The following PRKN variants were observed in gnomAD, a reference collection of about 807,000 sequenced individuals.
The protein encoded by PRKN is parkin RBR E3 ubiquitin protein ligase, also known as E3 ubiquitin-protein ligase parkin.
A neutral mutation model predicts 59.5 loss-of-function variants in PRKN; 56 were observed. The ratio of observed to expected loss-of-function variants is 0.94; its 90% CI spans 0.76 to 1.18. The LOEUF is 1.18. PRKN is among the 50% of genes most tolerant of loss of function. The pLI, the probability that PRKN is intolerant of heterozygous loss-of-function variation, is 0.00. For missense variants in PRKN, 657 were observed against 596.4 expected, an observed-to-expected ratio of 1.10 and a Z score of -1.06; for synonymous variants, 250 against 222.1, an observed-to-expected ratio of 1.13 and a Z score of -1.12.
intron 3 of PRKN, among the ~76,000 whole-genome samples, chr6:162,219,707 T>C (rs2128079920): frequency 6.6e-6 from 1 of 152,308 alleles, no homozygotes; most frequent in South Asian, 2.1e-4. Flanking sequence ...TTAGATTCAT[T>C]AGTGTTTCCT....
At chr6:162,593,890 C>T (rs1037601182) in intron 1 of PRKN, among the ~76,000 whole-genome samples, 10 of 152,200 alleles carry the variant, frequency 6.6e-5, no homozygotes, top group East Asian at 1.9e-4. Flanking sequence ...CGGTGGCTCA[C>T]GCCTGGCCTA....
rs904907103 is a variant in PRKN at position 161,395,296 on chromosome 6, C to T, written c.1084-8419G>A. Among the ~76,000 whole-genome samples the T allele has an allele frequency of 9.2e-5, 14 of 152,156 alleles. No individual in the cohort carries two copies. The highest frequency in any genetic ancestry group is 2.9e-4 in the African/African-American group (12 of 41,412). ...CTACAGATGGCTGTCTATTAGCACA[C>T]GGAGAGCTGCTCCATTCTTCCTGAA... On this transcript the variant is annotated intron_variant, in intron 9 of 11. Coordinates refer to ENST00000366898, the MANE Select transcript of PRKN (RefSeq NM_004562.3). This position sits in a 1 kb window ranked among gnomAD's most constrained non-coding sequence, Gnocchi z 5.0.
At chr6:161,851,240 C>A (rs1437866136) in intron 6 of PRKN, among the ~76,000 whole-genome samples, 1 of 152,158 alleles carries the variant, frequency 6.6e-6, no homozygotes, top group African/African-American at 2.4e-5. Flanking sequence ...CTCTCTCAGT[C>A]TCTTGCCCAT....
At chr6:161,380,584 C>T (rs887221904) in intron 10 of PRKN, among the ~76,000 whole-genome samples, 11 of 151,934 alleles carry the variant, frequency 7.2e-5, no homozygotes, top group African/African-American at 2.2e-4. Flanking sequence ...TAGTACTATG[C>T]GTGGTAATAA....
rs547661216 is a variant in PRKN, at chr6:162,629,925, C to T, written c.7+97737G>A. On this transcript the variant is annotated intron_variant, in intron 1 of 11. Transcript: ENST00000366898. ...TATATAATTCCCAATAAAATGCTTG[C>T]TTCTATCCTCCTCAGAATACTTTCA... 4.3e-4 allele frequency among the ~76,000 whole-genome samples: 66 copies of T among 152,192 alleles called. No individual in the cohort carries two copies. The South Asian group carries it at 0.014, about 31-fold the overall frequency.
At chr6:162,097,501 T>G (rs759658621) in intron 4 of PRKN, among the ~76,000 whole-genome samples, 23 of 152,160 alleles carry the variant, frequency 1.5e-4, no homozygotes, top group Non-Finnish European at 3.2e-4. Flanking sequence ...TCAATGCAAC[T>G]TGGAGAATTT....
chr6:162,272,249 T>C lies in PRKN; in HGVS notation c.172-9484A>G, dbSNP rs186332414. On this transcript the variant is annotated intron_variant, in intron 2 of 11. Coordinates refer to ENST00000366898, the MANE Select transcript of PRKN (RefSeq NM_004562.3). ...GGATTTCACTTCTCTGGGTTCCCTC[T>C]TTCATGAATACAAAGGATATCGGAT... Among the ~76,000 whole-genome samples, 11 of 152,324 alleles carry C rather than the reference T, an allele frequency of 7.2e-5. No homozygotes were observed. The East Asian group carries it at 2.1e-3, about 29-fold the overall frequency.
intron 7 of PRKN, among the ~76,000 whole-genome samples, chr6:161,713,255 C>A (rs996581343): frequency 2.5e-4 from 38 of 152,166 alleles, no homozygotes; most frequent in African/African-American, 8.9e-4. Flanking sequence ...CTTGCTGGAG[C>A]TGCCACCCTT....
At chr6:162,483,628 G>T (rs1792405136) in intron 1 of PRKN, among the ~76,000 whole-genome samples, 1 of 152,014 alleles carries the variant, frequency 6.6e-6, no homozygotes, top group African/African-American at 2.4e-5. Flanking sequence ...AACACATGAT[G>T]TTCCAAAAGG....
Position 161,457,300 on chromosome 6 carries a change from T to C in PRKN, c.1084-70423A>G, listed in dbSNP as rs1287523155. Among the ~76,000 whole-genome samples the C allele has an allele frequency of 6.6e-6, 1 of 152,222 alleles. No individual in the cohort carries two copies. Among genetic ancestry groups the C allele is most frequent in the African/African-American group, 2.4e-5 (1 of 41,466 alleles). ...CAGCTGGGCCAATGCAGGATCCAAC[T>C]ATTCAAGATTCCTCCACTTACACAA... On this transcript the variant is annotated intron_variant, in intron 9 of 11. Coordinates refer to ENST00000366898, the MANE Select transcript of PRKN (RefSeq NM_004562.3). This position sits in a 1 kb window ranked among gnomAD's most constrained non-coding sequence, Gnocchi z 5.0.
chr6:162,470,835 C>A (rs1791696591), intron 1 of PRKN, among the ~76,000 whole-genome samples: 1 of 151,966 alleles, frequency 6.6e-6, no homozygotes. Context: ...CGGCTCACTG[C>A]AAACTCCAGC....
intron 1 of PRKN, among the ~76,000 whole-genome samples, chr6:162,559,844 ATTC>A (rs33975044): frequency 0.31 from 46,540 of 151,876 alleles, 7,559 homozygotes; most frequent in East Asian, 0.49. Context: ...TAGGTGGCTA[ATTC>A]TTCTTCACAT....
At chr6:161,730,084 A>G (rs1287682554) in intron 7 of PRKN, among the ~76,000 whole-genome samples, 5 of 148,948 alleles carry the variant, frequency 3.4e-5, no homozygotes, top group Non-Finnish European at 7.4e-5. Flanking sequence ...ATTCTTTCTG[A>G]TATGTTGCAC....
intron 5 of PRKN, among the ~76,000 whole-genome samples, chr6:162,001,815 A>G (rs899483517): frequency 2.7e-5 from 4 of 149,692 alleles, no homozygotes; most frequent in African/African-American, 9.8e-5. Flanking sequence ...TCAAGTTTAG[A>G]AAGTTCCCCT....
At chr6:161,993,377 C>T (rs1781724108) in intron 5 of PRKN, among the ~76,000 whole-genome samples, 1 of 152,090 alleles carries the variant, frequency 6.6e-6, no homozygotes, top group Non-Finnish European at 1.5e-5. Flanking sequence ...TGGACACATA[C>T]AACCTACCAA....
intron 4 of PRKN, among the ~76,000 whole-genome samples, chr6:162,111,045 GA>G (rs1780409802): frequency 6.6e-6 from 1 of 152,182 alleles, no homozygotes; most frequent in South Asian, 2.1e-4. Flanking sequence ...ACCGGGAGAA[GA>G]AAAACAGATG....
chr6:161,849,198 C>A (rs534487656), intron 6 of PRKN, among the ~76,000 whole-genome samples: 1 of 152,284 alleles, frequency 6.6e-6, no homozygotes, highest in African/African-American at 2.4e-5. Flanking sequence ...TCCTCTGGGT[C>A]TCTACATTGC....
intron 7 of PRKN, among the ~76,000 whole-genome samples, chr6:161,636,835 C>T (rs764762938): frequency 3.3e-5 from 5 of 152,106 alleles, no homozygotes; most frequent in Admixed American, 6.5e-5. Flanking sequence ...AGCTTCAGTC[C>T]GACCTACAGA....
intron 6 of PRKN, among the ~76,000 whole-genome samples, chr6:161,811,010 T>C (rs373464159): frequency 7.6e-4 from 115 of 152,238 alleles, no homozygotes; most frequent in African/African-American, 2.4e-3. Context: ...TCTGGTAAAA[T>C]AGTAATTCTC....
Sources: allele counts gnomAD v4.1 joint callset (sites outside exome capture counted in the v4.1 genomes callset), GRCh38; gene constraint gnomAD v4.1.1; non-coding constraint Gnocchi (gnomAD v3.1); transcripts MANE v1.5; gene names NCBI Gene and HGNC (gene_info 2026-07-23, HGNC 2026-07-21).